The following KLF12 variants were observed in gnomAD, a reference collection of about 807,000 sequenced individuals.
The protein encoded by KLF12 is KLF transcription factor 12.
Under a neutral mutation model 37.8 loss-of-function variants are expected in KLF12, and 9 were observed. The ratio of observed to expected loss-of-function variants is 0.24; its 90% CI spans 0.14 to 0.42. The LOEUF (loss-of-function observed/expected upper bound fraction) is 0.42. KLF12 is among the 10% of genes least tolerant of loss of function. KLF12 has a pLI of 1.00. For synonymous variants in KLF12, 208 were observed against 202.1 expected, an observed-to-expected ratio of 1.03 and a Z score of -0.25; for missense variants, 411 against 516.0, an observed-to-expected ratio of 0.80 and a Z score of 1.97.
intron 6 of KLF12, among the ~76,000 whole-genome samples, chr13:73,722,422 T>C (rs766819851): frequency 4.6e-5 from 7 of 152,320 alleles, no homozygotes; most frequent in Middle Eastern, 3.4e-3. Flanking sequence ...CAGACTCTAG[T>C]GCCTGTCAAA....
At chr13:74,168,031 C>T in the KLF12 span, among the ~76,000 whole-genome samples, 50 of 152,234 alleles carry the variant, frequency 3.3e-4, no homozygotes, top group African/African-American at 1.1e-3. Flanking sequence ...CAAAATTTTC[C>T]AAAATTAGTT....
intron 5 of KLF12, among the ~76,000 whole-genome samples, chr13:73,797,790 A>AAT (rs1882070737): frequency 6.6e-6 from 1 of 151,472 alleles, no homozygotes; most frequent in Non-Finnish European, 1.5e-5. Context: ...AAAAAAAAAA[A>AAT]AAAGCATTAC....
At chr13:74,047,938 T>C (rs1004154134) in intron 1 of KLF12, among the ~76,000 whole-genome samples, 16 of 152,340 alleles carry the variant, frequency 1.1e-4, no homozygotes, top group Admixed American at 2.6e-4. Context: ...GCATTCCAAG[T>C]GCAAAGTCAG....
At chr13:73,928,581 A>T (rs1195766201) in intron 3 of KLF12, among the ~76,000 whole-genome samples, 1 of 152,210 alleles carries the variant, frequency 6.6e-6, no homozygotes, top group Non-Finnish European at 1.5e-5. Context: ...TAACCAAATC[A>T]GTTTCTATCT....
Position 73,715,389 on chromosome 13 carries a change from C to A in KLF12, c.1006G>T (p.Ala336Ser). Residue 336 changes from alanine (A) to serine (S), a missense_variant, in exon 7 of 8, where the codon GCT becomes TCT. By Grantham distance (99) the Ala-to-Ser change is moderately conservative (BLOSUM62 1). This residue lies in a region of KLF12 where 60 missense variants were observed against 118.2 expected (regional missense o/e 0.51). Coordinates refer to ENST00000377669, the MANE Select transcript of KLF12 (RefSeq NM_007249.5). ...GTACCTGTATGTGTCCTCCGGTGAG[C>A]CTTCAGGTGAGAACTTTTTGTGTAC... 6.2e-7 allele frequency: 1 copy of A among 1,613,860 alleles called. No individual in the cohort carries two copies. Among genetic ancestry groups the A allele is most frequent in the Non-Finnish European group, 8.5e-7 (1 of 1,179,870 alleles).
chr13:73,730,454 G>A (rs769190433), intron 6 of KLF12, among the ~76,000 whole-genome samples: 2 of 152,194 alleles, frequency 1.3e-5, no homozygotes, highest in South Asian at 2.1e-4. Flanking sequence ...CAGAGGGCAC[G>A]TTTTCCACAC....
chr13:74,149,372 C>G, the KLF12 span, among the ~76,000 whole-genome samples: 1 of 152,122 alleles, frequency 6.6e-6, no homozygotes, highest in Non-Finnish European at 1.5e-5. Flanking sequence ...TCCTTGTAAT[C>G]TTCTTCATCT....
At chr13:74,143,910 G>A in the KLF12 span, among the ~76,000 whole-genome samples, 1 of 152,262 alleles carries the variant, frequency 6.6e-6, no homozygotes, top group South Asian at 2.1e-4. Flanking sequence ...TTTAAGGTAG[G>A]GTAGGTGCAT....
At chr13:74,051,613 T>C (rs1488196300) in intron 1 of KLF12, among the ~76,000 whole-genome samples, 1 of 151,762 alleles carries the variant, frequency 6.6e-6, no homozygotes, top group Non-Finnish European at 1.5e-5. Context: ...GACTCAACCA[T>C]GTACATCAGA....
At chr13:74,124,877 C>T (rs1053383809) in intron 1 of KLF12, among the ~76,000 whole-genome samples, 3 of 151,982 alleles carry the variant, frequency 2.0e-5, no homozygotes, top group Admixed American at 6.6e-5. Flanking sequence ...TAAACTGGGC[C>T]GCGTATGTTG....
At chr13:74,157,516 CA>C in the KLF12 span, among the ~76,000 whole-genome samples, 1 of 152,174 alleles carries the variant, frequency 6.6e-6, no homozygotes, top group South Asian at 2.1e-4. Context: ...TATGCTCACC[CA>C]CCCTAAGAGC....
chr13:73,824,137 A>G (rs1883697955), intron 4 of KLF12, among the ~76,000 whole-genome samples: 1 of 152,152 alleles, frequency 6.6e-6, no homozygotes, highest in Non-Finnish European at 1.5e-5. Flanking sequence ...TTAAAAAAAA[A>G]AACCCTATCA....
At chr13:74,220,561 A>C in the KLF12 span, among the ~76,000 whole-genome samples, 3 of 152,162 alleles carry the variant, frequency 2.0e-5, no homozygotes, top group African/African-American at 7.2e-5. Context: ...CTTTTTAGTT[A>C]TTTTCAAATG....
intron 7 of KLF12, among the ~76,000 whole-genome samples, chr13:73,710,273 T>C (rs1875268971): frequency 6.6e-6 from 1 of 152,176 alleles, no homozygotes; most frequent in Non-Finnish European, 1.5e-5. Flanking sequence ...TTGATTTAGA[T>C]AACCCAATAG....
intron 3 of KLF12, among the ~76,000 whole-genome samples, chr13:73,857,361 A>G (rs986832425): frequency 2.0e-5 from 3 of 152,236 alleles, no homozygotes; most frequent in African/African-American, 7.2e-5. Context: ...GAGGACACAG[A>G]AAATGATGTT....
intron 3 of KLF12, among the ~76,000 whole-genome samples, chr13:73,890,713 G>A (rs1229206190): frequency 2.0e-5 from 3 of 150,678 alleles, no homozygotes; most frequent in Admixed American, 6.6e-5. Context: ...AAAGAGATAA[G>A]TTTAAAAAAA....
chr13:73,818,068 G>A (rs1283423232), intron 4 of KLF12, among the ~76,000 whole-genome samples: 1 of 152,232 alleles, frequency 6.6e-6, no homozygotes, highest in Non-Finnish European at 1.5e-5. Flanking sequence ...TATCTTCTTT[G>A]ATCCTTCAGT....
chr13:73,869,068 T>C (rs1886338232), intron 3 of KLF12, among the ~76,000 whole-genome samples: 1 of 152,212 alleles, frequency 6.6e-6, no homozygotes, highest in African/African-American at 2.4e-5. Flanking sequence ...TGTGTTTACT[T>C]TGTGAAAAAT....
rs200260466 is a variant in KLF12 at position 73,813,273 on chromosome 13, G to A, written c.685C>T (p.Arg229Ter). 1.2e-6 allele frequency: 2 copies of A among 1,613,756 alleles called. No homozygotes were observed. Among genetic ancestry groups the A allele is most frequent in the Admixed American group, 1.7e-5 (1 of 59,968 alleles). The stretch of plus-strand genomic sequence containing the variant: ...TTACTTTGTCTGGGAGATAGGCCTC[G>A]GGGGTCCATTTGTGCTGGAGAGAAA... The change falls in exon 5 of 8, where the codon CGA becomes TGA. Residue 229 changes from arginine to a stop codon, truncating the protein, a stop_gained. Coordinates refer to ENST00000377669, the MANE Select transcript of KLF12 (RefSeq NM_007249.5). LOFTEE classifies it high-confidence loss of function.
Sources: gnomAD v4.1 joint callset for allele counts (sites outside exome capture counted in the v4.1 genomes callset) on GRCh38, gnomAD v4.1.1 for gene constraint, gnomAD v4.1.1 regional missense constraint, MANE v1.5 for transcripts, NCBI Gene and HGNC (gene_info 2026-07-23, HGNC 2026-07-21) for gene names.